The following PLCE1 variants were observed in gnomAD, a reference collection of about 807,000 sequenced individuals.
PLCE1 encodes 1-phosphatidylinositol 4,5-bisphosphate phosphodiesterase epsilon-1.
A neutral mutation model predicts 242.8 loss-of-function variants in PLCE1; 119 were observed. That is an observed-to-expected ratio of 0.49 (90% CI 0.42 to 0.57). The LOEUF (loss-of-function observed/expected upper bound fraction) is 0.57. Ranked by LOEUF, PLCE1 falls within the 20% of genes least tolerant of loss-of-function variation. PLCE1 has a pLI of 0.00. For missense variants in PLCE1, 2,441 were observed against 2,788.8 expected, an observed-to-expected ratio of 0.88 and a Z score of 2.81; for synonymous variants, 945 against 1,017.4, an observed-to-expected ratio of 0.93 and a Z score of 1.35.
At chr10:94,156,394 C>T (rs2047434416) in intron 3 of PLCE1, among the ~76,000 whole-genome samples, 1 of 152,192 alleles carries the variant, frequency 6.6e-6, no homozygotes, top group African/African-American at 2.4e-5. Context: ...TCATGACTGT[C>T]TTCTGAGGTT....
chr10:94,060,184 T>G (rs2044010116), intron 2 of PLCE1, among the ~76,000 whole-genome samples: 1 of 152,086 alleles, frequency 6.6e-6, no homozygotes, highest in Non-Finnish European at 1.5e-5. Context: ...TTTTTTTTTT[T>G]TGTCTAAGCT....
intron 2 of PLCE1, among the ~76,000 whole-genome samples, chr10:94,046,826 A>C (rs1176897293): frequency 1.3e-5 from 2 of 152,184 alleles, no homozygotes; most frequent in Non-Finnish European, 2.9e-5. Context: ...TTATTTCTAA[A>C]TAATTGTACC....
At chr10:94,155,524 A>G (rs1177743729) in intron 3 of PLCE1, 2 of 152,058 alleles carry the variant, frequency 1.3e-5, no homozygotes, top group African/African-American at 2.4e-5. Flanking sequence ...ACAGGGTTAC[A>G]TGTTTTAGGA....
intron 1 of PLCE1, among the ~76,000 whole-genome samples, chr10:94,025,314 T>C (rs1419365586): frequency 6.6e-6 from 1 of 152,118 alleles, no homozygotes; most frequent in Non-Finnish European, 1.5e-5. Flanking sequence ...ATCCATATGC[T>C]TAGGTCAAAT....
In PLCE1 at chr10:94,298,316, T is replaced by C. The variant is rs2052912904; in HGVS notation, c.5168-63T>C. ...TGTTTACTGGGATGTTGTTCAGGTTTATCTTTCTAAAATATTTAAAGTTTT... is the reference window on the plus strand; with the variant it reads ...TGTTTACTGGGATGTTGTTCAGGTTCATCTTTCTAAAATATTTAAAGTTTT... On this transcript the variant is annotated intron_variant, in intron 23 of 32. Coordinates refer to ENST00000371380, the MANE Select transcript of PLCE1 (RefSeq NM_016341.4). The surrounding 1 kb of genome is among the most constrained non-coding windows in gnomAD (Gnocchi z 5.2). 1 of 1,452,434 alleles carries C rather than the reference T, an allele frequency of 6.9e-7. No individual in the cohort carries two copies. Among genetic ancestry groups the C allele is most frequent in the African/African-American group, 1.4e-5 (1 of 71,670 alleles). 90.0% of individuals were successfully genotyped at this position (1,452,434 alleles called of 1,614,324 possible).
chr10:93,994,882 A>T (rs934460799), intron 1 of PLCE1, among the ~76,000 whole-genome samples: 2 of 152,222 alleles, frequency 1.3e-5, no homozygotes, highest in African/African-American at 4.8e-5. Flanking sequence ...TCATTTAGTG[A>T]TTAATCAGTG....
At chr10:93,997,320 A>G (rs1236278578) in intron 1 of PLCE1, among the ~76,000 whole-genome samples, 1 of 152,228 alleles carries the variant, frequency 6.6e-6, no homozygotes, top group Non-Finnish European at 1.5e-5. Context: ...TATTTGCTGC[A>G]GATACCATTG....
chr10:94,027,894 T>A (rs1165317446), intron 1 of PLCE1, among the ~76,000 whole-genome samples: 1 of 152,042 alleles, frequency 6.6e-6, no homozygotes, highest in Admixed American at 6.5e-5. Flanking sequence ...CAGCCATGGG[T>A]CTTCATAGCT....
At chr10:94,152,912 T>G (rs2047317763) in intron 3 of PLCE1, among the ~76,000 whole-genome samples, 1 of 152,226 alleles carries the variant, frequency 6.6e-6, no homozygotes. Context: ...TATCATGTAC[T>G]GTTTTTAAGT....
At chr10:94,090,472 G>A (rs530488457) in intron 2 of PLCE1, among the ~76,000 whole-genome samples, 27 of 152,244 alleles carry the variant, frequency 1.8e-4, no homozygotes, top group South Asian at 1.5e-3. Flanking sequence ...GTGTCCTGAC[G>A]CAGGCTCATT....
chr10:94,246,716 A>C, intron 8 of PLCE1, 95 bp downstream of exon 8: 1 of 1,137,544 alleles, frequency 8.8e-7, no homozygotes, highest in East Asian at 2.5e-5. Flanking sequence ...CCCAGCTCTG[A>C]CAGTTACTAC....
chr10:94,246,184 G>A lies in PLCE1; in HGVS notation c.2659G>A (p.Asp887Asn), dbSNP rs772791356. 15 of 1,613,940 alleles carry A rather than the reference G, an allele frequency of 9.3e-6. No homozygotes were observed. Among genetic ancestry groups the A allele is most frequent in the East Asian group, 4.5e-5 (2 of 44,866 alleles). The change falls in exon 8 of 33, where the codon GAC (aspartate) becomes AAC (asparagine). Residue 887 changes from aspartate to asparagine, a missense_variant. Asp to Asn is a conservative substitution (Grantham distance 23). Coordinates refer to ENST00000371380, the MANE Select transcript of PLCE1 (RefSeq NM_016341.4). ...CCGCTGCTTCCTCCAGCTTCAGCCC[G>A]ACAATAGCACCTTGACCTGGGTAAA... ...SARCFLQLQP[D>N]NSTLTWVKPT...
At chr10:94,264,799 C>T (rs1012807041) in intron 14 of PLCE1, among the ~76,000 whole-genome samples, 6 of 152,054 alleles carry the variant, frequency 3.9e-5, no homozygotes, top group African/African-American at 1.4e-4. Context: ...GGATTACAGG[C>T]GTGAGCCACC....
intron 32 of PLCE1, 43 bp from the exon 33 acceptor site, chr10:94,327,925 T>G (rs149647941): frequency 1.9e-6 from 1 of 517,678 alleles, no homozygotes; most frequent in South Asian, 1.5e-5. Flanking sequence ...TTCTGTTTCT[T>G]CATTTTCAGT....
At chr10:94,026,617 T>C (rs973808296) in intron 1 of PLCE1, among the ~76,000 whole-genome samples, 10 of 152,104 alleles carry the variant, frequency 6.6e-5, no homozygotes, top group Non-Finnish European at 1.3e-4. Flanking sequence ...AGTGAGTAAA[T>C]AGAAAGTTAA....
chr10:94,279,745 T>C, intron 19 of PLCE1, 37 bp from the exon 20 acceptor site: 1 of 1,609,618 alleles, frequency 6.2e-7, no homozygotes, highest in Non-Finnish European at 8.5e-7. Flanking sequence ...ATTCATTAAC[T>C]TGGCATCTGC....
At chr10:94,194,534 C>T (rs1018138336) in intron 4 of PLCE1, among the ~76,000 whole-genome samples, 1 of 152,206 alleles carries the variant, frequency 6.6e-6, no homozygotes, top group African/African-American at 2.4e-5. Context: ...GAGGCAAAGA[C>T]TCTGCACAAT....
chr10:94,224,017 C>A (rs1298173994), intron 4 of PLCE1, among the ~76,000 whole-genome samples: 4 of 152,014 alleles, frequency 2.6e-5, no homozygotes, highest in African/African-American at 9.7e-5. Flanking sequence ...GCCCTCTCAC[C>A]ATTTAATGCT....
intron 4 of PLCE1, among the ~76,000 whole-genome samples, chr10:94,209,759 G>T (rs567082802): frequency 2.0e-5 from 3 of 152,290 alleles, no homozygotes; most frequent in South Asian, 4.1e-4. Flanking sequence ...TTCAATGCAG[G>T]TGCCTCACAA....
Sources: allele counts gnomAD v4.1 joint callset (sites outside exome capture counted in the v4.1 genomes callset), GRCh38; gene constraint gnomAD v4.1.1; non-coding constraint Gnocchi (gnomAD v3.1); transcripts MANE v1.5; gene names NCBI Gene and HGNC (gene_info 2026-07-23, HGNC 2026-07-21).